The following SPTLC2 variants were observed in gnomAD, a reference collection of about 807,000 sequenced individuals.
The protein encoded by SPTLC2 is serine palmitoyltransferase 2.
Under a neutral mutation model 62.0 loss-of-function variants are expected in SPTLC2, and 21 were observed. The observed-to-expected ratio is 0.34, with a 90% confidence interval of 0.24 to 0.49. The LOEUF is 0.49. Among genes scored for constraint, SPTLC2 ranks in the 20% least tolerant of loss-of-function variants. The probability of loss-of-function intolerance (pLI) is 0.99; values close to 1 mark genes in which losing one functional copy is unlikely to be tolerated. For missense variants in SPTLC2, 511 were observed against 713.0 expected (o/e 0.72, Z 3.23); for synonymous variants, 261 against 261.8 (o/e 1.00, Z 0.03).
chr14:77,570,877 T>C (rs913695452), intron 4 of SPTLC2, among the ~76,000 whole-genome samples: 2 of 136,764 alleles, frequency 1.5e-5, no homozygotes, highest in African/African-American at 5.2e-5. Flanking sequence ...CTAACTGGCC[T>C]GTTGCAAAAA....
rs149194260 is a variant in SPTLC2 at position 77,511,207 on chromosome 14, T to A, written c.*1077A>T. On this transcript the variant is annotated 3_prime_UTR_variant, in exon 12 of 12. Coordinates refer to ENST00000216484, the MANE Select transcript of SPTLC2 (RefSeq NM_004863.4). Reference sequence around the variant, plus strand: ...GGGTTAGCTTCTAAGAGGCCTAAATTAATAAACCTAATCCTTAAATAGGAA... The same window carrying A: ...GGGTTAGCTTCTAAGAGGCCTAAATAAATAAACCTAATCCTTAAATAGGAA... 1 of 152,302 alleles carries A rather than the reference T, an allele frequency of 6.6e-6. No homozygotes were observed. The highest frequency in any genetic ancestry group is 1.5e-5 in the Non-Finnish European group (1 of 68,032). 9.4% of individuals were successfully genotyped at this position (152,302 alleles called of 1,614,324 possible).
intron 1 of SPTLC2, among the ~76,000 whole-genome samples, chr14:77,610,825 C>T (rs916615075): frequency 4.6e-5 from 7 of 151,642 alleles, no homozygotes; most frequent in Non-Finnish European, 8.8e-5. Flanking sequence ...GCAGGAGGAT[C>T]GATTGTACCC....
rs1465375832 is a variant in SPTLC2 at position 77,586,233 on chromosome 14, A to G, written c.328-7124T>C. ...TGGGATTACAGGTGTGCACCACCAT[A>G]TCCCGCTAATTTTTGTATTTTCAGT... On this transcript the variant is annotated intron_variant, in intron 2 of 11. Coordinates refer to ENST00000216484, the MANE Select transcript of SPTLC2 (RefSeq NM_004863.4). Among the ~76,000 whole-genome samples, 7 of 151,828 alleles carry G rather than the reference A, an allele frequency of 4.6e-5. No individual in the cohort carries two copies. In the East Asian group the frequency reaches 1.4e-3, roughly 29 times the overall value.
chr14:77,568,824 A>G (rs141108060), intron 5 of SPTLC2, among the ~76,000 whole-genome samples: 20,080 of 145,176 alleles, frequency 0.14, 1,652 homozygotes, highest in African/African-American at 0.23. Context: ...AAAAAAAAAA[A>G]AGAGAGAGGG....
At chr14:77,563,584 C>T (rs759640673) in intron 5 of SPTLC2, among the ~76,000 whole-genome samples, 1 of 152,004 alleles carries the variant, frequency 6.6e-6, no homozygotes, top group Non-Finnish European at 1.5e-5. Context: ...CACCACCAGG[C>T]CCAGCTAATA....
At chr14:77,575,091 G>A (rs138357819) in intron 4 of SPTLC2, among the ~76,000 whole-genome samples, 5 of 152,024 alleles carry the variant, frequency 3.3e-5, no homozygotes, top group Admixed American at 1.3e-4. Flanking sequence ...GCATGGTGGC[G>A]TGCACCTATA....
intron 8 of SPTLC2, among the ~76,000 whole-genome samples, chr14:77,553,328 C>CA (rs1349481649): frequency 6.6e-6 from 1 of 152,030 alleles, no homozygotes; most frequent in African/African-American, 2.4e-5. Flanking sequence ...AATGATCTCC[C>CA]AGAGTATTAT....
intron 1 of SPTLC2, 130 bp from the exon 2 acceptor site, chr14:77,597,510 C>G: frequency 1.2e-6 from 1 of 832,420 alleles, no homozygotes; most frequent in Non-Finnish European, 1.9e-6. Context: ...CGCACTGGCT[C>G]ACACCTGTAA....
intron 1 of SPTLC2, among the ~76,000 whole-genome samples, chr14:77,598,031 A>G (rs2079857483): frequency 6.6e-6 from 1 of 151,362 alleles, no homozygotes; most frequent in Admixed American, 6.6e-5. Flanking sequence ...CTGAGGCAGG[A>G]GAATTGCTTG....
rs2079323956 is a variant in SPTLC2, at chr14:77,509,919, T to G, written c.*2365A>C. On this transcript the variant is annotated 3_prime_UTR_variant, in exon 12 of 12. Coordinates refer to ENST00000216484, the MANE Select transcript of SPTLC2 (RefSeq NM_004863.4). ...ATATTTTAAATGCCGGTACTGACATTTGAATTTGCAGTGACTTCATGCAAG... is the reference window on the plus strand; with the variant it reads ...ATATTTTAAATGCCGGTACTGACATGTGAATTTGCAGTGACTTCATGCAAG... The G allele has an allele frequency of 2.5e-6, 1 of 398,432 alleles. No individual in the cohort carries two copies. Among genetic ancestry groups the G allele is most frequent in the Non-Finnish European group, 4.4e-6 (1 of 225,986 alleles). The allele number at this position is 398,432 out of a possible 1,614,324, so 24.7% of individuals were successfully genotyped here.
At chr14:77,575,909 G>A (rs1016130703) in intron 4 of SPTLC2, among the ~76,000 whole-genome samples, 1 of 152,116 alleles carries the variant, frequency 6.6e-6, no homozygotes, top group African/African-American at 2.4e-5. Flanking sequence ...GACCACCATG[G>A]TATGAAGAAA....
chr14:77,516,066 A>G (rs1211986227), intron 11 of SPTLC2, among the ~76,000 whole-genome samples: 1 of 148,182 alleles, frequency 6.7e-6, no homozygotes, highest in African/African-American at 2.5e-5. Flanking sequence ...GAATCATGTC[A>G]TGAGGCCCAT....
intron 1 of SPTLC2, among the ~76,000 whole-genome samples, chr14:77,613,166 G>T (rs1172524882): frequency 3.9e-5 from 6 of 152,126 alleles, no homozygotes; most frequent in African/African-American, 1.4e-4. Context: ...TTAAGATCAT[G>T]GAATAATAAT....
intron 7 of SPTLC2, among the ~76,000 whole-genome samples, 176 bp from the exon 8 acceptor site, chr14:77,555,695 A>G (rs1456163481): frequency 6.6e-6 from 1 of 151,814 alleles, no homozygotes; most frequent in Non-Finnish European, 1.5e-5. Flanking sequence ...GGCTTACTAC[A>G]ATCCCTGACT....
At chr14:77,566,015 C>A (rs1325068190) in intron 5 of SPTLC2, among the ~76,000 whole-genome samples, 5 of 152,186 alleles carry the variant, frequency 3.3e-5, no homozygotes, top group Non-Finnish European at 5.9e-5. Flanking sequence ...AAGTCAAATT[C>A]TTTACTTACC....
Position 77,510,044 on chromosome 14 carries a change from C to T in SPTLC2, c.*2240G>A, listed in dbSNP as rs1344020618. The T allele has an allele frequency of 7.5e-6, 3 of 397,598 alleles. No individual in the cohort carries two copies. The highest frequency in any genetic ancestry group is 8.9e-6 in the Non-Finnish European group (2 of 225,596). 24.6% of individuals were successfully genotyped at this position (397,598 alleles called of 1,614,324 possible). On this transcript the variant is annotated 3_prime_UTR_variant, in exon 12 of 12. Coordinates refer to ENST00000216484, the MANE Select transcript of SPTLC2 (RefSeq NM_004863.4). ...GTAAATAGTAACTGCAGTGCAAAAG[C>T]TATGTGGTATTCCAGTGGGATTCTA...
intron 9 of SPTLC2, among the ~76,000 whole-genome samples, chr14:77,544,590 A>G (rs1264825404): frequency 6.6e-6 from 1 of 152,146 alleles, no homozygotes; most frequent in African/African-American, 2.4e-5. Context: ...CACTGTACTA[A>G]AAGTACCTCT....
At chr14:77,558,984 T>C (rs977968235) in intron 6 of SPTLC2, among the ~76,000 whole-genome samples, 2 of 152,070 alleles carry the variant, frequency 1.3e-5, no homozygotes, top group Non-Finnish European at 2.9e-5. Context: ...TCTGTTTATA[T>C]ATAGAAGGAG....
At chr14:77,513,546 C>A (rs1465481233) in intron 11 of SPTLC2, among the ~76,000 whole-genome samples, 1 of 152,096 alleles carries the variant, frequency 6.6e-6, no homozygotes, top group Non-Finnish European at 1.5e-5. Flanking sequence ...CTGGGAGAAC[C>A]CATCGACCAT....
Sources: allele counts gnomAD v4.1 joint callset (sites outside exome capture counted in the v4.1 genomes callset), GRCh38; gene constraint gnomAD v4.1.1; transcripts MANE v1.5; gene names NCBI Gene and HGNC (gene_info 2026-07-23, HGNC 2026-07-21).